Variants in B4GALNT3 observed in about 807,000 individuals in gnomAD.
B4GALNT3 encodes beta-1,4-N-acetyl-galactosaminyltransferase 3.
In B4GALNT3, 86 loss-of-function variants were observed where a neutral mutation model predicts 120.2. That is an observed-to-expected ratio of 0.72 (90% CI 0.60 to 0.86). The LOEUF is 0.86. Among genes scored for constraint, B4GALNT3 ranks in the 40% least tolerant of loss-of-function variants. B4GALNT3 has a pLI of 0.00. For missense variants in B4GALNT3, 1,167 were observed against 1,298.9 expected (o/e 0.90, Z 1.56); for synonymous variants, 518 against 510.4 (o/e 1.01, Z -0.20).
At chr12:525,012 G>T (rs1266502294) in intron 1 of B4GALNT3, among the ~76,000 whole-genome samples, 1 of 152,226 alleles carries the variant, frequency 6.6e-6, no homozygotes, top group Admixed American at 6.5e-5. Context: ...AAACAGTGTT[G>T]TTTCCCACCC....
chr12:535,636 C>T (rs1252654033), intron 2 of B4GALNT3, among the ~76,000 whole-genome samples: 1 of 152,198 alleles, frequency 6.6e-6, no homozygotes, highest in African/African-American at 2.4e-5. Context: ...GTGCTTGCTG[C>T]TGAGATCAGA....
At chr12:527,078 G>GA in intron 1 of B4GALNT3, among the ~76,000 whole-genome samples, 1 of 151,984 alleles carries the variant, frequency 6.6e-6, no homozygotes, top group Non-Finnish European at 1.5e-5. Flanking sequence ...CGCCCAGCTA[G>GA]TTTTTTGTTT....
intron 17 of B4GALNT3, among the ~76,000 whole-genome samples, chr12:558,298 T>C (rs574059651): frequency 7.2e-5 from 11 of 152,248 alleles, no homozygotes; most frequent in African/African-American, 1.9e-4. Context: ...CCTTGGAGCC[T>C]ATAAAGAGTG....
At chr12:506,604 C>T (rs1946498447) in intron 1 of B4GALNT3, among the ~76,000 whole-genome samples, 1 of 152,144 alleles carries the variant, frequency 6.6e-6, no homozygotes, top group African/African-American at 2.4e-5. Flanking sequence ...ATAGAGGCTC[C>T]TATACTTACA....
intron 1 of B4GALNT3, among the ~76,000 whole-genome samples, chr12:477,821 A>G (rs1463930859): frequency 6.6e-6 from 1 of 152,184 alleles, no homozygotes; most frequent in African/African-American, 2.4e-5. Context: ...ATGAGGGCAG[A>G]TATTTTCATA....
intron 1 of B4GALNT3, among the ~76,000 whole-genome samples, chr12:503,207 G>A (rs142357170): frequency 0.011 from 1,680 of 152,162 alleles, 19 homozygotes; most frequent in African/African-American, 0.014. Flanking sequence ...GAGCGTGTGC[G>A]CAGTGACTCA....
At position 556,621 on chromosome 12, in the gene B4GALNT3, A is replaced by C. The variant is rs1262915041; in HGVS notation, c.2135A>C (p.Glu712Ala). Residue 712 changes from glutamate (E) to alanine (A), a missense_variant, in exon 15 of 20, where the codon GAG becomes GCG. Glu to Ala is a moderately radical substitution (Grantham distance 107). Coordinates refer to ENST00000266383, the MANE Select transcript of B4GALNT3 (RefSeq NM_173593.4). ...CTACGTGGGGGTCGCTACCTCCTGG[A>C]GCTTGAACTGTTGGAACAAGGCCAG... Reference protein sequence around the residue: ...DQLRGGRYLLELELLEQGQRV... With the variant: ...DQLRGGRYLLALELLEQGQRV... 6.2e-7 allele frequency: 1 copy of C among 1,613,980 alleles called. No homozygotes were observed. Among genetic ancestry groups the C allele is most frequent in the Admixed American group, 1.7e-5 (1 of 60,024 alleles).
chr12:509,121 T>C (rs1035914396), intron 1 of B4GALNT3, among the ~76,000 whole-genome samples: 2 of 152,230 alleles, frequency 1.3e-5, no homozygotes, highest in Admixed American at 6.5e-5. Context: ...TCAAAGATGA[T>C]GGACAACGTG....
chr12:486,933 AT>A (rs1946296001), intron 1 of B4GALNT3, among the ~76,000 whole-genome samples: 1 of 152,204 alleles, frequency 6.6e-6, no homozygotes. Context: ...AAAATTTTTA[AT>A]GAAAAAAGTA....
At position 543,105 on chromosome 12, in the gene B4GALNT3, C is replaced by A. The variant is rs188472354; in HGVS notation, c.352-1234C>A. 5 of 1,289,250 alleles carry A rather than the reference C, an allele frequency of 3.9e-6. No individual in the cohort carries two copies. In the African/African-American group the frequency reaches 7.6e-5, roughly 20 times the overall value. 79.9% of individuals were successfully genotyped at this position (1,289,250 alleles called of 1,614,324 possible). A position where few individuals can be genotyped will look rare whatever the true frequency, so the allele number is the denominator to read the frequency against. On this transcript the variant is annotated intron_variant, in intron 3 of 19. Coordinates refer to ENST00000266383, the MANE Select transcript of B4GALNT3 (RefSeq NM_173593.4). ...TGCCTGGGGAATGAACACCAGCCCCCTTCCTGCATGGGAGGTCCAGGGAGA... is the reference window on the plus strand; with the variant it reads ...TGCCTGGGGAATGAACACCAGCCCCATTCCTGCATGGGAGGTCCAGGGAGA...
intron 11 of B4GALNT3, 127 bp downstream of exon 11, chr12:551,158 C>T: frequency 1.3e-6 from 1 of 795,518 alleles, no homozygotes; most frequent in Non-Finnish European, 2.0e-6. Context: ...ACAGGACGTC[C>T]TCACAGGTCC....
intron 1 of B4GALNT3, among the ~76,000 whole-genome samples, chr12:463,633 A>C (rs1189449529): frequency 6.6e-6 from 1 of 152,266 alleles, no homozygotes; most frequent in African/African-American, 2.4e-5. Flanking sequence ...CATAGGACGC[A>C]TATGTTTCTG....
At position 544,322 on chromosome 12, in the gene B4GALNT3, G is replaced by A. The variant is rs370715187; in HGVS notation, c.352-17G>A. On this transcript the variant is annotated splice_polypyrimidine_tract_variant and intron_variant, in intron 3 of 19. Coordinates refer to ENST00000266383, the MANE Select transcript of B4GALNT3 (RefSeq NM_173593.4). ...GGGTGCTCACGCTCACTCACCACTG[G>A]CGTCTCCGCCCTGCAGTTCCGGGGC... 1.4e-5 allele frequency: 22 copies of A among 1,612,280 alleles called. No individual in the cohort carries two copies. The highest frequency in any genetic ancestry group is 1.9e-5 in the Non-Finnish European group (22 of 1,179,592).
intron 15 of B4GALNT3, 124 bp from the exon 16 acceptor site, chr12:557,484 A>T: frequency 1.1e-6 from 1 of 928,852 alleles, no homozygotes; most frequent in Non-Finnish European, 1.6e-6. Flanking sequence ...GCAGAGTTGC[A>T]CTGTCCCCTC....
intron 9 of B4GALNT3, among the ~76,000 whole-genome samples, chr12:549,414 T>C (rs1051996802): frequency 2.6e-5 from 4 of 152,252 alleles, no homozygotes; most frequent in Non-Finnish European, 4.4e-5. Context: ...GGGATATTCT[T>C]AGAGCAGGGC....
intron 1 of B4GALNT3, among the ~76,000 whole-genome samples, chr12:515,038 A>G (rs891615284): frequency 6.6e-6 from 1 of 152,134 alleles, no homozygotes; most frequent in Non-Finnish European, 1.5e-5. Flanking sequence ...GAAAGAAAGA[A>G]CACAAATTCT....
At chr12:511,509 A>ACCTTCCACCTTCCT (rs1946560030) in intron 1 of B4GALNT3, among the ~76,000 whole-genome samples, 1 of 71,642 alleles carries the variant, frequency 1.4e-5, no homozygotes, top group African/African-American at 6.3e-5. Flanking sequence ...TCCACCTTCC[A>ACCTTCCACCTTCCT]CCTTCTTCCA....
intron 1 of B4GALNT3, among the ~76,000 whole-genome samples, chr12:526,651 G>A (rs1473170049): frequency 6.6e-6 from 1 of 152,118 alleles, no homozygotes; most frequent in Non-Finnish European, 1.5e-5. Context: ...TACTAAATGG[G>A]CCCTTAAATG....
At chr12:546,946 T>C in intron 7 of B4GALNT3, 1 of 563,096 alleles carries the variant, frequency 1.8e-6, no homozygotes, top group Non-Finnish European at 3.2e-6. Flanking sequence ...ACGCAGCTCT[T>C]TAGTGACACG....
Sources: gnomAD v4.1 joint callset for allele counts (sites outside exome capture counted in the v4.1 genomes callset) on GRCh38, gnomAD v4.1.1 for gene constraint, MANE v1.5 for transcripts, NCBI Gene and HGNC (gene_info 2026-07-23, HGNC 2026-07-21) for gene names.